The following PACS2 variants were observed in gnomAD, a reference collection of about 807,000 sequenced individuals.
PACS2 encodes the protein PACS1-like protein.
PACS2 carries 36 observed loss-of-function variants against 113.0 expected under a neutral mutation model. The observed-to-expected ratio is 0.32, with a 90% CI of 0.24 to 0.42. The LOEUF is 0.42. Among genes scored for constraint, PACS2 ranks in the 10% least tolerant of loss-of-function variants. The pLI is 1.00. For missense variants in PACS2, 1,015 were observed against 1,239.5 expected, an observed-to-expected ratio of 0.82 and a Z score of 2.72; for synonymous variants, 589 against 536.1, an observed-to-expected ratio of 1.10 and a Z score of -1.36.
chr14:105,381,871 T>C lies in PACS2; in HGVS notation c.1269-43T>C, dbSNP rs1555412105. 3 of 1,528,136 alleles carry C rather than the reference T, an allele frequency of 2.0e-6. No individual in the cohort carries two copies. The South Asian group carries it at 3.7e-5, about 19-fold the overall frequency. The allele number at this position is 1,528,136 out of a possible 1,614,324, so 94.7% of individuals were successfully genotyped here. On this transcript the variant is annotated intron_variant, in intron 12 of 24. Transcript: ENST00000447393. ...GCCCCTGCCTCTGCCCCTGTTCCTG[T>C]TCCTGCTGCCACAGCCACTTAGCCT...
chr14:105,336,685 T>G (rs1385833407), intron 1 of PACS2: 1 of 152,424 alleles, frequency 6.6e-6, no homozygotes, highest in Non-Finnish European at 1.5e-5. Context: ...TTCCTGGGGT[T>G]GTGGGCCCTA....
intron 7 of PACS2, among the ~76,000 whole-genome samples, chr14:105,369,525 G>A (rs1320012293): frequency 9.9e-5 from 15 of 152,168 alleles, no homozygotes; most frequent in East Asian, 5.8e-4. Flanking sequence ...TTCTGGGGTC[G>A]GCCAGGGCCT....
At chr14:105,362,235 A>T (rs12590928) in intron 4 of PACS2, among the ~76,000 whole-genome samples, 23 of 151,316 alleles carry the variant, frequency 1.5e-4, no homozygotes, top group Admixed American at 9.2e-4. Context: ...TGGCTAACAC[A>T]GTGAAACACC....
At chr14:105,353,152 C>T (rs587715858) in intron 3 of PACS2, among the ~76,000 whole-genome samples, 7 of 96,458 alleles carry the variant, frequency 7.3e-5, no homozygotes, top group African/African-American at 1.2e-4. Flanking sequence ...CCTGGGGAGA[C>T]GGGCACCCCC....
chr14:105,308,167 A>C (rs1276656443), intron 1 of PACS2, among the ~76,000 whole-genome samples: 1 of 150,702 alleles, frequency 6.6e-6, no homozygotes. Flanking sequence ...TGGACCATAG[A>C]GTGAGACTCT....
intron 1 of PACS2, among the ~76,000 whole-genome samples, chr14:105,301,774 C>G (rs1386337068): frequency 1.3e-5 from 2 of 152,154 alleles, no homozygotes; most frequent in African/African-American, 4.8e-5. Context: ...GCTGCGCACG[C>G]CCTCAAATAT....
chr14:105,368,132 C>A lies in PACS2; in HGVS notation c.645C>A (p.Asp215Glu), dbSNP rs781841033. 4 of 1,608,852 alleles carry A rather than the reference C, an allele frequency of 2.5e-6. No homozygotes were observed. The highest frequency in any genetic ancestry group is 3.4e-6 in the Non-Finnish European group (4 of 1,177,414). ...CCTCCGAGCAGGAGGCCAGTGACGA[C>A]GCCGTGCAGGGGCAGGTGACCTGGG... ...SFSSEQEASD[D>E]AVQGQDLDED... is the part of the protein sequence containing the mutation. The change falls in exon 6 of 25, where the codon GAC becomes GAA. Residue 215 changes from aspartate to glutamate, a missense_variant. By Grantham distance (45) the Asp-to-Glu change is conservative (BLOSUM62 2). Coordinates refer to ENST00000447393, the MANE Select transcript of PACS2 (RefSeq NM_001100913.3).
chr14:105,382,107 C>T (rs781857593), intron 13 of PACS2, 49 bp downstream of exon 13: 3 of 1,517,632 alleles, frequency 2.0e-6, no homozygotes, highest in Non-Finnish European at 2.7e-6. Context: ...TCGTGGTCAC[C>T]CTGGCACCAA....
intron 1 of PACS2, among the ~76,000 whole-genome samples, chr14:105,326,454 G>A (rs1259914623): frequency 6.6e-6 from 1 of 152,278 alleles, no homozygotes; most frequent in Non-Finnish European, 1.5e-5. Context: ...TCGGGGCCAG[G>A]CCTTCCTGGT....
intron 1 of PACS2, among the ~76,000 whole-genome samples, chr14:105,326,801 C>T (rs1292459777): frequency 1.3e-5 from 2 of 152,158 alleles, no homozygotes; most frequent in Admixed American, 6.5e-5. Context: ...GTTCACCCTG[C>T]GGCCAGGACT....
chr14:105,314,803 C>T lies in PACS2; in HGVS notation c.-116C>T. ...ACGCCGGGGCCCGGCCCGTCCCCTC[C>T]GCCGCCCGGCAGCCATGTGACCGCG... On this transcript the variant is annotated 5_prime_UTR_variant, in exon 1 of 25. Transcript: ENST00000447393. 1 of 270,498 alleles carries T rather than the reference C, an allele frequency of 3.7e-6. No individual in the cohort carries two copies. Among genetic ancestry groups the T allele is most frequent in the Non-Finnish European group, 5.6e-6 (1 of 179,966 alleles). 16.8% of individuals were successfully genotyped at this position (270,498 alleles called of 1,614,324 possible).
chr14:105,374,154 CAAAAA>C (rs113355593), intron 8 of PACS2, among the ~76,000 whole-genome samples: 6 of 81,874 alleles, frequency 7.3e-5, no homozygotes, highest in Non-Finnish European at 1.3e-4. Flanking sequence ...GACTCTGTCT[CAAAAA>C]AAAAAAAAAA....
chr14:105,391,512 T>TAG, intron 21 of PACS2, 119 bp from the exon 22 acceptor site: 4 of 611,304 alleles, frequency 6.5e-6, no homozygotes, highest in East Asian at 2.9e-5. Context: ...CACTGGGGAC[T>TAG]CCCACCCTGC....
At chr14:105,349,138 G>A (rs1322212595) in intron 2 of PACS2, among the ~76,000 whole-genome samples, 3 of 152,196 alleles carry the variant, frequency 2.0e-5, no homozygotes, top group African/African-American at 4.8e-5. Context: ...CCTTGGGGTA[G>A]AGCTGCCATG....
rs1555407952 is a variant in PACS2 at position 105,366,493 on chromosome 14, G to A, written c.424-720G>A. The stretch of plus-strand genomic sequence containing the variant: ...TGTCGTCATGGCGTGTGGTTCTGAG[G>A]CTGGCGTGGGGCACGGCGGGGCTGT... On this transcript the variant is annotated intron_variant, in intron 4 of 24. Transcript: ENST00000447393. The surrounding 1 kb of genome is among the most constrained non-coding windows in gnomAD (Gnocchi z 4.3). Among the ~76,000 whole-genome samples, 1 of 152,242 alleles carries A rather than the reference G, an allele frequency of 6.6e-6. No individual in the cohort carries two copies. Among genetic ancestry groups the A allele is most frequent in the African/African-American group, 2.4e-5 (1 of 41,458 alleles).
At chr14:105,312,545 C>T (rs1470850884), upstream of PACS2, among the ~76,000 whole-genome samples, 1 of 152,182 alleles carries the variant, frequency 6.6e-6, no homozygotes, top group Admixed American at 6.5e-5. Context: ...CACCTGTGCT[C>T]CAAACACGGG....
chr14:105,329,561 C>T lies in PACS2; in HGVS notation c.119+14524C>T, dbSNP rs955666081. ...GGGCAGTAGAGTGGGGGGCTGTGGT[C>T]CTGGGCACCCTCTGGAGAGACCGCT... On this transcript the variant is annotated intron_variant, in intron 1 of 24. Coordinates refer to ENST00000447393, the MANE Select transcript of PACS2 (RefSeq NM_001100913.3). The surrounding 1 kb of genome is among the most constrained non-coding windows in gnomAD (Gnocchi z 6.4). Among the ~76,000 whole-genome samples, 1 of 152,100 alleles carries T rather than the reference C, an allele frequency of 6.6e-6. No homozygotes were observed. The highest frequency in any genetic ancestry group is 1.5e-5 in the Non-Finnish European group (1 of 68,014).
rs367940917 is a variant in PACS2 at position 105,355,018 on chromosome 14, C to T, written c.298-34C>T. On this transcript the variant is annotated intron_variant, in intron 3 of 24. Transcript: ENST00000447393. This position sits in a 1 kb window ranked among gnomAD's most constrained non-coding sequence, Gnocchi z 4.1. ...CGTGATGCTGCCTGGGGCCCCGGTGCACCCTCAGCTGCCACTCGCACTTGT... is the reference window on the plus strand; with the variant it reads ...CGTGATGCTGCCTGGGGCCCCGGTGTACCCTCAGCTGCCACTCGCACTTGT... The T allele has an allele frequency of 3.1e-6, 5 of 1,605,660 alleles. No individual in the cohort carries two copies. The African/African-American group carries it at 4.0e-5, about 13-fold the overall frequency.
Position 105,366,951 on chromosome 14 carries a change from C to T in PACS2, c.424-262C>T, listed in dbSNP as rs1555408054. On this transcript the variant is annotated intron_variant, in intron 4 of 24. Transcript: ENST00000447393. This position sits in a 1 kb window ranked among gnomAD's most constrained non-coding sequence, Gnocchi z 4.3. ...CTCCAGCACAGCCCAGTGCCCTCTG[C>T]TTATGGCCCGTTCGTGAAAGCTCCC... is the stretch of plus-strand genomic sequence containing the variant. Among the ~76,000 whole-genome samples the T allele has an allele frequency of 6.6e-6, 1 of 152,180 alleles. No homozygotes were observed. Among genetic ancestry groups the T allele is most frequent in the Non-Finnish European group, 1.5e-5 (1 of 68,022 alleles).
Sources: gnomAD v4.1 joint callset for allele counts (sites outside exome capture counted in the v4.1 genomes callset) on GRCh38, gnomAD v4.1.1 for gene constraint, Gnocchi (gnomAD v3.1) non-coding constraint, MANE v1.5 for transcripts, NCBI Gene and HGNC (gene_info 2026-07-23, HGNC 2026-07-21) for gene names.